Variants in CTNNBL1 observed in about 807,000 individuals in gnomAD.
CTNNBL1 encodes the protein beta-catenin-like protein 1.
Under a neutral mutation model 72.7 loss-of-function variants are expected in CTNNBL1, and 31 were observed. That is an observed-to-expected ratio of 0.43 (90% CI 0.32 to 0.58). CTNNBL1 has a LOEUF of 0.58. CTNNBL1 is among the 20% of genes least tolerant of loss of function. The probability of loss-of-function intolerance (pLI) is 0.08; values close to 1 mark genes in which losing one functional copy is unlikely to be tolerated. For synonymous variants in CTNNBL1, 240 were observed against 267.3 expected (o/e 0.90, Z 1.00); for missense variants, 534 against 725.1 (o/e 0.74, Z 3.03).
Position 37,836,967 on chromosome 20 carries a change from T to G in CTNNBL1, c.1214-3135T>G, listed in dbSNP as rs2072259684. ...GTCACCAGCTGTCATACTAAGTAAT[T>G]CCAAAGTTTTAGAACTGATCTTGTT... On this transcript the variant is annotated intron_variant, in intron 11 of 15. Transcript: ENST00000361383. Among the ~76,000 whole-genome samples, 3 of 152,294 alleles carry G rather than the reference T, an allele frequency of 2.0e-5. 1 individual carries two copies. The South Asian group carries it at 6.2e-4, about 32-fold the overall frequency.
At chr20:37,768,859 A>G (rs982508518) in intron 7 of CTNNBL1, among the ~76,000 whole-genome samples, 9 of 152,168 alleles carry the variant, frequency 5.9e-5, no homozygotes, top group Middle Eastern at 3.4e-3. Flanking sequence ...GCTCACTGCA[A>G]CCTCTGCCTC....
intron 10 of CTNNBL1, among the ~76,000 whole-genome samples, chr20:37,782,380 GCA>G (rs1286079479): frequency 6.6e-6 from 1 of 151,898 alleles, no homozygotes; most frequent in Non-Finnish European, 1.5e-5. Context: ...ACACATATGT[GCA>G]CACACACACA....
chr20:37,734,346 C>T (rs1185257043), intron 2 of CTNNBL1, among the ~76,000 whole-genome samples: 1 of 152,198 alleles, frequency 6.6e-6, no homozygotes, highest in East Asian at 1.9e-4. Context: ...TCTCTGAGGG[C>T]AGCAGCCTTG....
chr20:37,807,611 G>T (rs1224945895), intron 11 of CTNNBL1, among the ~76,000 whole-genome samples: 4 of 152,220 alleles, frequency 2.6e-5, no homozygotes, highest in African/African-American at 9.7e-5. Flanking sequence ...AAAGAGGGGA[G>T]TAAAAGCAAA....
At chr20:37,802,438 A>G (rs1798952881) in intron 10 of CTNNBL1, among the ~76,000 whole-genome samples, 1 of 152,226 alleles carries the variant, frequency 6.6e-6, no homozygotes, top group South Asian at 2.1e-4. Context: ...GGTAGCTGAC[A>G]TATCTGTGAA....
chr20:37,866,233 T>G (rs2072535687), intron 15 of CTNNBL1, among the ~76,000 whole-genome samples: 1 of 152,204 alleles, frequency 6.6e-6, no homozygotes, highest in Admixed American at 6.5e-5. Flanking sequence ...GCCTTAGGAT[T>G]GCTGCCCCCG....
chr20:37,870,561 A>G (rs1485148505), intron 15 of CTNNBL1, among the ~76,000 whole-genome samples: 1 of 152,160 alleles, frequency 6.6e-6, no homozygotes, highest in Non-Finnish European at 1.5e-5. Flanking sequence ...CACCCTCAGA[A>G]AACATCAAGA....
intron 11 of CTNNBL1, among the ~76,000 whole-genome samples, chr20:37,816,859 G>A (rs888865355): frequency 3.3e-5 from 5 of 151,700 alleles, no homozygotes; most frequent in Non-Finnish European, 7.4e-5. Context: ...TGTTAAGTAT[G>A]CCTGCTGGCT....
chr20:37,767,883 T>A, intron 6 of CTNNBL1, 70 bp from the exon 7 acceptor site: 1 of 1,262,772 alleles, frequency 7.9e-7, no homozygotes, highest in Non-Finnish European at 1.2e-6. Flanking sequence ...ATGCCTGTCA[T>A]GGGAAGCAAG....
intron 11 of CTNNBL1, among the ~76,000 whole-genome samples, chr20:37,804,452 T>G: frequency 6.6e-6 from 1 of 152,168 alleles, no homozygotes; most frequent in Admixed American, 6.5e-5. Context: ...AGCCGAGCTG[T>G]GGGTTCTACA....
chr20:37,859,919 G>C lies in CTNNBL1; in HGVS notation c.1413G>C (p.Glu471Asp), dbSNP rs1459501929. Residue 471 changes from glutamate to aspartate, a missense_variant, in exon 14 of 16, where the codon GAG becomes GAC. Glu to Asp is a conservative substitution (Grantham distance 45). Coordinates refer to ENST00000361383, the MANE Select transcript of CTNNBL1 (RefSeq NM_030877.5). ...GEKHDMVRRG[E>D]IIDNDTEEEF... The stretch of plus-strand genomic sequence containing the variant: ...TCTAGGACATGGTCCGGCGAGGAGA[G>C]ATCATCGACAATGACACCGAGGAGG... 1.2e-6 allele frequency: 2 copies of C among 1,614,070 alleles called. No individual in the cohort carries two copies. The highest frequency in any genetic ancestry group is 1.7e-6 in the Non-Finnish European group (2 of 1,180,032).
At chr20:37,743,980 G>GA (rs554861879) in intron 3 of CTNNBL1, among the ~76,000 whole-genome samples, 6 of 149,038 alleles carry the variant, frequency 4.0e-5, no homozygotes, top group South Asian at 2.1e-4. Context: ...ATGTCAAAAG[G>GA]AAAAAAAAAC....
intron 7 of CTNNBL1, among the ~76,000 whole-genome samples, chr20:37,776,443 A>G (rs2073574139): frequency 6.6e-6 from 1 of 152,194 alleles, no homozygotes; most frequent in Non-Finnish European, 1.5e-5. Context: ...TTCCAAGTAC[A>G]GAAATTCTTT....
chr20:37,757,629 G>C lies in CTNNBL1; in HGVS notation c.537G>C (p.Glu179Asp). The C allele has an allele frequency of 6.2e-7, 1 of 1,613,672 alleles. No individual in the cohort carries two copies. Among genetic ancestry groups the C allele is most frequent in the Non-Finnish European group, 8.5e-7 (1 of 1,179,668 alleles). The change falls in exon 5 of 16, where the codon GAG (glutamate) becomes GAC (aspartate). Residue 179 changes from glutamate to aspartate, a missense_variant. Transcript: ENST00000361383. ...TDIDTLHESE[E>D]GAEVLIDALV... ...TAGACACCCTCCATGAGAGTGAAGA[G>C]GGAGCAGAAGTGCTCATCGATGCTC...
intron 1 of CTNNBL1, among the ~76,000 whole-genome samples, chr20:37,722,782 T>G (rs888725597): frequency 6.6e-6 from 1 of 152,198 alleles, no homozygotes; most frequent in East Asian, 1.9e-4. Context: ...ATTTTTCTGA[T>G]TTTTGGTTTG....
intron 2 of CTNNBL1, among the ~76,000 whole-genome samples, chr20:37,735,968 T>C (rs991399059): frequency 2.6e-5 from 4 of 152,198 alleles, no homozygotes; most frequent in Non-Finnish European, 5.9e-5. Flanking sequence ...TAATTTAAAC[T>C]GGAAGGAAAC....
chr20:37,768,728 ATTG>A (rs1241260730), intron 7 of CTNNBL1, among the ~76,000 whole-genome samples: 3 of 152,216 alleles, frequency 2.0e-5, no homozygotes, highest in South Asian at 2.1e-4. Context: ...CTATTTTATT[ATTG>A]TTGTTAATTT....
chr20:37,822,699 C>G (rs2072119586), intron 11 of CTNNBL1, among the ~76,000 whole-genome samples: 1 of 152,184 alleles, frequency 6.6e-6, no homozygotes, highest in Non-Finnish European at 1.5e-5. Flanking sequence ...ATCAAAGACT[C>G]TCTGGCTCTC....
chr20:37,849,738 C>T (rs1246740139), intron 13 of CTNNBL1, among the ~76,000 whole-genome samples: 1 of 152,254 alleles, frequency 6.6e-6, no homozygotes, highest in Non-Finnish European at 1.5e-5. Flanking sequence ...CCTTGCACTG[C>T]AGCCTCAGGC....
Sources: gnomAD v4.1 joint callset for allele counts (sites outside exome capture counted in the v4.1 genomes callset) on GRCh38, gnomAD v4.1.1 for gene constraint, MANE v1.5 for transcripts, NCBI Gene and HGNC (gene_info 2026-07-23, HGNC 2026-07-21) for gene names.